Variants in CNTN5 observed in about 807,000 individuals in gnomAD.
The protein encoded by CNTN5 is contactin 5, also known as contactin-5.
Under a neutral mutation model 129.1 loss-of-function variants are expected in CNTN5, and 77 were observed. The observed-to-expected ratio is 0.60, with a 90% CI of 0.50 to 0.72. The LOEUF is 0.72. Among genes scored for constraint, CNTN5 ranks in the 30% least tolerant of loss-of-function variants. CNTN5 has a pLI of 0.00. For missense variants in CNTN5, 1,478 were observed against 1,328.8 expected (o/e 1.11, Z -1.75); for synonymous variants, 509 against 465.6 (o/e 1.09, Z -1.20).
chr11:99,796,900 C>G (rs534214054), intron 3 of CNTN5, among the ~76,000 whole-genome samples: 1 of 152,162 alleles, frequency 6.6e-6, no homozygotes, highest in African/African-American at 2.4e-5. Context: ...GTCGTGTGGT[C>G]TTCTGCTGCC....
At chr11:100,296,720 T>A (rs1378319676) in intron 18 of CNTN5, among the ~76,000 whole-genome samples, 2 of 151,586 alleles carry the variant, frequency 1.3e-5, no homozygotes, top group Non-Finnish European at 3.0e-5. Context: ...TCCACTTCAG[T>A]TTTTCTGGTG....
At chr11:99,671,571 G>A (rs769170018) in intron 3 of CNTN5, among the ~76,000 whole-genome samples, 10 of 152,108 alleles carry the variant, frequency 6.6e-5, no homozygotes, top group East Asian at 1.9e-4. Context: ...TTAAAGTAAC[G>A]TCTAAACAAG....
chr11:99,994,192 A>G (rs962089384), intron 8 of CNTN5, among the ~76,000 whole-genome samples: 1 of 152,132 alleles, frequency 6.6e-6, no homozygotes, highest in Non-Finnish European at 1.5e-5. Context: ...TTTGCAATTT[A>G]TAAATGTAAT....
chr11:99,677,307 C>T lies in CNTN5; in HGVS notation c.55+121038C>T, dbSNP rs186719968. Among the ~76,000 whole-genome samples, 360 of 146,066 alleles carry T rather than the reference C, an allele frequency of 2.5e-3. 1 individual carries two copies. Among genetic ancestry groups the T allele is most frequent in the African/African-American group, 8.3e-3 (341 of 41,190 alleles). Reference sequence around the variant, plus strand: ...CCTAAAAGCTACCAATGGTGAATGCCTTTACATGTTCATGGGAGCTGTTTT... The same window carrying T: ...CCTAAAAGCTACCAATGGTGAATGCTTTTACATGTTCATGGGAGCTGTTTT... On this transcript the variant is annotated intron_variant, in intron 3 of 24. Transcript: ENST00000524871.
At chr11:99,425,259 G>A (rs1943068171) in intron 2 of CNTN5, among the ~76,000 whole-genome samples, 1 of 152,196 alleles carries the variant, frequency 6.6e-6, no homozygotes, top group Admixed American at 6.5e-5. Context: ...CCTCACTCCA[G>A]GCCAGGGACT....
At chr11:99,078,667 G>A (rs371438234) in intron 1 of CNTN5, among the ~76,000 whole-genome samples, 13 of 152,168 alleles carry the variant, frequency 8.5e-5, no homozygotes, top group Admixed American at 2.0e-4. Flanking sequence ...AGGACAGTAC[G>A]TTAAGTGAAA....
intron 1 of CNTN5, among the ~76,000 whole-genome samples, chr11:99,298,669 A>T (rs1399171573): frequency 1.3e-5 from 2 of 152,190 alleles, no homozygotes; most frequent in Non-Finnish European, 2.9e-5. Context: ...GAGCAGGAAC[A>T]TCACCATCTC....
At chr11:99,108,639 A>T (rs1857635208) in intron 1 of CNTN5, among the ~76,000 whole-genome samples, 1 of 152,226 alleles carries the variant, frequency 6.6e-6, no homozygotes, top group Admixed American at 6.5e-5. Context: ...GTATCCAAAT[A>T]CCAATATTCT....
At chr11:99,319,667 A>G (rs1865481537) in intron 1 of CNTN5, among the ~76,000 whole-genome samples, 1 of 152,336 alleles carries the variant, frequency 6.6e-6, no homozygotes, top group Admixed American at 6.5e-5. Flanking sequence ...TCATGTATAC[A>G]AAGTACAAAG....
intron 17 of CNTN5, among the ~76,000 whole-genome samples, chr11:100,267,387 T>C (rs1950328424): frequency 6.6e-6 from 1 of 152,002 alleles, no homozygotes; most frequent in Non-Finnish European, 1.5e-5. Flanking sequence ...AATTACTTCC[T>C]TAGAAGCTCT....
At chr11:99,991,092 G>A (rs1027135737) in intron 8 of CNTN5, among the ~76,000 whole-genome samples, 4 of 152,218 alleles carry the variant, frequency 2.6e-5, no homozygotes, top group Admixed American at 2.6e-4. Context: ...GAATGTGACA[G>A]AATCCAGATA....
At position 99,735,710 on chromosome 11, in the gene CNTN5, A is replaced by G. The variant is rs1457841918; in HGVS notation, c.56-83834A>G. Among the ~76,000 whole-genome samples the G allele has an allele frequency of 2.0e-5, 3 of 152,190 alleles. No individual in the cohort carries two copies. The East Asian group carries it at 5.8e-4, about 29-fold the overall frequency. On this transcript the variant is annotated intron_variant, in intron 3 of 24. Transcript: ENST00000524871. ...ACGTTATATACGTTTAAGTTGTACA[A>G]CTTGATGTATTGATATATACCTTGT...
chr11:100,092,792 G>GA (rs1944842319), intron 13 of CNTN5, among the ~76,000 whole-genome samples: 1 of 151,942 alleles, frequency 6.6e-6, no homozygotes, highest in South Asian at 2.1e-4. Context: ...CGGAGGTGGG[G>GA]TGCAGTATGC....
chr11:100,041,649 A>G (rs572478942), intron 9 of CNTN5, among the ~76,000 whole-genome samples: 3 of 152,330 alleles, frequency 2.0e-5, no homozygotes, highest in Non-Finnish European at 4.4e-5. Flanking sequence ...AAGGCAGCCA[A>G]TTGCCTATAG....
At chr11:99,030,486 T>G (rs1467578545) in intron 1 of CNTN5, among the ~76,000 whole-genome samples, 1 of 152,150 alleles carries the variant, frequency 6.6e-6, no homozygotes. Context: ...TGATTACCTC[T>G]TCTGGACATT....
chr11:99,803,030 C>T (rs887750746), intron 3 of CNTN5, among the ~76,000 whole-genome samples: 2 of 152,000 alleles, frequency 1.3e-5, no homozygotes, highest in Admixed American at 6.6e-5. Context: ...GAGGCTCAAG[C>T]TGGTGATCCA....
At chr11:99,923,989 A>C (rs1426943201) in intron 7 of CNTN5, among the ~76,000 whole-genome samples, 1 of 152,118 alleles carries the variant, frequency 6.6e-6, no homozygotes, top group Non-Finnish European at 1.5e-5. Flanking sequence ...ACAGGGTTTC[A>C]CCATGTTGGC....
intron 3 of CNTN5, among the ~76,000 whole-genome samples, chr11:99,645,768 G>A (rs180693471): frequency 1.0e-5 from 1 of 95,268 alleles, no homozygotes; most frequent in Non-Finnish European, 2.6e-5. Context: ...TCGCCACAGG[G>A]AGGGGAACAT....
At chr11:99,774,570 G>C (rs1484346647) in intron 3 of CNTN5, among the ~76,000 whole-genome samples, 1 of 151,834 alleles carries the variant, frequency 6.6e-6, no homozygotes, top group African/African-American at 2.4e-5. Flanking sequence ...GAGCTAGGAG[G>C]CCTACATTGT....
Sources: allele counts gnomAD v4.1 joint callset (sites outside exome capture counted in the v4.1 genomes callset), GRCh38; gene constraint gnomAD v4.1.1; transcripts MANE v1.5; gene names NCBI Gene and HGNC (gene_info 2026-07-23, HGNC 2026-07-21).